SIAH3: variants seen among roughly 807,000 people sequenced by gnomAD.
SIAH3 encodes the protein seven in absentia homolog 3.
Under a neutral mutation model 12.6 loss-of-function variants are expected in SIAH3, and 9 were observed. That is an observed-to-expected ratio of 0.72 (90% CI 0.43 to 1.25). The LOEUF is 1.25. SIAH3 is among the 50% of genes most tolerant of loss of function. The probability of loss-of-function intolerance (pLI) is 0.00; values close to 1 mark genes in which losing one functional copy is unlikely to be tolerated. For synonymous variants in SIAH3, 154 were observed against 151.1 expected, an observed-to-expected ratio of 1.02 and a Z score of -0.14; for missense variants, 390 against 365.4, an observed-to-expected ratio of 1.07 and a Z score of -0.55.
intron 1 of SIAH3, among the ~76,000 whole-genome samples, chr13:45,819,849 A>G (rs1401595780): frequency 6.6e-6 from 1 of 152,148 alleles, no homozygotes; most frequent in African/African-American, 2.4e-5. Context: ...TTGTGCTTCT[A>G]TAACAGAATG....
chr13:45,808,722 C>T (rs1201362601), intron 1 of SIAH3, among the ~76,000 whole-genome samples: 1 of 152,090 alleles, frequency 6.6e-6, no homozygotes, highest in Admixed American at 6.6e-5. Context: ...CTTTTATCTA[C>T]CAGAACATTA....
Position 45,810,176 on chromosome 13 carries a change from C to T in SIAH3, c.136-26119G>A, listed in dbSNP as rs145061402. Among the ~76,000 whole-genome samples, 564 of 152,336 alleles carry T rather than the reference C, an allele frequency of 3.7e-3. 2 individuals are homozygous for T. The highest frequency in any genetic ancestry group is 0.013 in the African/African-American group (536 of 41,574). ...ATCCTCCCTCAGGAGACACCAGCCT[C>T]CTGAGGATGCTCAGTCCCACCTGGA... On this transcript the variant is annotated intron_variant, in intron 1 of 1. Transcript: ENST00000400405.
intron 1 of SIAH3, among the ~76,000 whole-genome samples, chr13:45,808,994 A>G (rs1220987366): frequency 6.6e-6 from 1 of 152,376 alleles, no homozygotes; most frequent in African/African-American, 2.4e-5. Context: ...CGCCTTCGGC[A>G]GTACATCCCA....
At chr13:45,786,809 G>A (rs1462542433) in intron 1 of SIAH3, among the ~76,000 whole-genome samples, 2 of 152,156 alleles carry the variant, frequency 1.3e-5, no homozygotes, top group African/African-American at 2.4e-5. Flanking sequence ...GGAGAACCCA[G>A]CCTCACACTT....
chr13:45,782,930 C>T lies in SIAH3; in HGVS notation c.*453G>A, dbSNP rs1347267498. ...CCATCTCTGAGCTGGGCCCCTTCCC[C>T]AACCTGCCGACTGCACACGTTCAGA... is the stretch of plus-strand genomic sequence containing the variant. On this transcript the variant is annotated 3_prime_UTR_variant, in exon 2 of 2. Coordinates refer to ENST00000400405, the MANE Select transcript of SIAH3 (RefSeq NM_198849.3). The T allele has an allele frequency of 6.6e-6, 1 of 152,450 alleles. No individual in the cohort carries two copies. Among genetic ancestry groups the T allele is most frequent in the Admixed American group, 6.5e-5 (1 of 15,292 alleles). The allele number at this position is 152,450 out of a possible 1,614,324, so 9.4% of individuals were successfully genotyped here.
intron 1 of SIAH3, among the ~76,000 whole-genome samples, chr13:45,808,348 A>C (rs9595390): frequency 0.3 from 46,008 of 152,172 alleles, 8,289 homozygotes; most frequent in Non-Finnish European, 0.41. Flanking sequence ...TAAATAGTTC[A>C]CGTCACTGAG....
At chr13:45,788,445 G>A (rs1022465794) in intron 1 of SIAH3, among the ~76,000 whole-genome samples, 8 of 152,200 alleles carry the variant, frequency 5.3e-5, no homozygotes, top group African/African-American at 1.9e-4. Context: ...CATTGGCTGT[G>A]TTTAACTTCC....
At chr13:45,835,296 A>G (rs566195602) in intron 1 of SIAH3, among the ~76,000 whole-genome samples, 2 of 152,230 alleles carry the variant, frequency 1.3e-5, no homozygotes, top group African/African-American at 2.4e-5. Flanking sequence ...ATCAACTACT[A>G]ATCAGTCAAG....
chr13:45,817,796 C>T (rs992072481), intron 1 of SIAH3, among the ~76,000 whole-genome samples: 2 of 152,162 alleles, frequency 1.3e-5, no homozygotes. Flanking sequence ...TCCCAACAAT[C>T]CCAAGAGGCA....
chr13:45,826,467 GGA>G (rs1593385025), intron 1 of SIAH3, among the ~76,000 whole-genome samples: 1 of 138,816 alleles, frequency 7.2e-6, no homozygotes, highest in Non-Finnish European at 1.6e-5. Flanking sequence ...ATGAATGGAT[GGA>G]TGGATGGATG....
chr13:45,842,075 G>T (rs761355406), intron 1 of SIAH3, among the ~76,000 whole-genome samples: 9 of 152,266 alleles, frequency 5.9e-5, no homozygotes, highest in South Asian at 4.1e-4. Flanking sequence ...CCTTAAACTA[G>T]GACATTATTC....
chr13:45,787,832 C>T (rs1033460495), intron 1 of SIAH3, among the ~76,000 whole-genome samples: 3 of 152,184 alleles, frequency 2.0e-5, no homozygotes, highest in African/African-American at 7.2e-5. Flanking sequence ...CACAATGCCC[C>T]CTACGCCCAG....
intron 1 of SIAH3, among the ~76,000 whole-genome samples, chr13:45,836,253 C>A (rs944438623): frequency 6.6e-6 from 1 of 152,190 alleles, no homozygotes; most frequent in Admixed American, 6.5e-5. Context: ...AAGACACATG[C>A]ATGCATATGT....
chr13:45,799,134 G>C (rs925757620), intron 1 of SIAH3, among the ~76,000 whole-genome samples: 8 of 152,298 alleles, frequency 5.3e-5, no homozygotes, highest in Non-Finnish European at 1.0e-4. Context: ...AGGCCTACAG[G>C]ATGAAACTTC....
At chr13:45,826,607 T>A (rs951140209) in intron 1 of SIAH3, among the ~76,000 whole-genome samples, 5 of 152,272 alleles carry the variant, frequency 3.3e-5, no homozygotes, top group Admixed American at 2.0e-4. Context: ...ACGTGCCTCC[T>A]GTTCATGTTG....
chr13:45,779,153 A>G lies in SIAH3; in HGVS notation c.*4230T>C, dbSNP rs1324899941. 4.6e-5 allele frequency: 7 copies of G among 152,258 alleles called. No homozygotes were observed. The highest frequency in any genetic ancestry group is 1.7e-4 in the African/African-American group (7 of 41,464). 9.4% of individuals were successfully genotyped at this position (152,258 alleles called of 1,614,324 possible). A position where few individuals can be genotyped will look rare whatever the true frequency, so the allele number is the denominator to read the frequency against. Reference sequence around the variant, plus strand: ...CAGCACATTATTATATAGTATGTTCATCATACAGATGTGATAGATGTAAAT... The same window carrying G: ...CAGCACATTATTATATAGTATGTTCGTCATACAGATGTGATAGATGTAAAT... On this transcript the variant is annotated 3_prime_UTR_variant, in exon 2 of 2. Transcript: ENST00000400405.
At chr13:45,847,622 C>CGTGTGTGTGTGT (rs112078778) in intron 1 of SIAH3, among the ~76,000 whole-genome samples, 6,487 of 146,852 alleles carry the variant, frequency 0.044, 263 homozygotes, top group Admixed American at 0.13. Context: ...TCCATGTGTT[C>CGTGTGTGTGTGT]GTGTGTGTGT....
At chr13:45,845,499 G>A (rs1028052584) in intron 1 of SIAH3, among the ~76,000 whole-genome samples, 23 of 152,002 alleles carry the variant, frequency 1.5e-4, no homozygotes, top group African/African-American at 3.6e-4. Context: ...AGTAATACGC[G>A]TTTATACATT....
At chr13:45,806,752 G>A (rs1300476669) in intron 1 of SIAH3, among the ~76,000 whole-genome samples, 1 of 152,138 alleles carries the variant, frequency 6.6e-6, no homozygotes, top group African/African-American at 2.4e-5. Context: ...TTAAAGGTAT[G>A]TGAATTTTAT....
Sources: gnomAD v4.1 joint callset for allele counts (sites outside exome capture counted in the v4.1 genomes callset) on GRCh38, gnomAD v4.1.1 for gene constraint, MANE v1.5 for transcripts, NCBI Gene and HGNC (gene_info 2026-07-23, HGNC 2026-07-21) for gene names.